Variants in CELF2 observed in about 807,000 individuals in gnomAD.
CELF2 encodes the protein CUG triplet repeat RNA-binding protein 2.
Under a neutral mutation model 62.6 loss-of-function variants are expected in CELF2, and 8 were observed. That is an observed-to-expected ratio of 0.13 (90% CI 0.07 to 0.23). CELF2 has a LOEUF of 0.23. Ranked by LOEUF, CELF2 falls within the 10% of genes least tolerant of loss-of-function variation. CELF2 has a pLI of 1.00. For synonymous variants in CELF2, 258 were observed against 250.0 expected, an observed-to-expected ratio of 1.03 and a Z score of -0.30; for missense variants, 333 against 671.0, an observed-to-expected ratio of 0.50 and a Z score of 5.56.
the CELF2 span, among the ~76,000 whole-genome samples, chr10:10,563,110 G>A: frequency 1.3e-5 from 2 of 152,106 alleles, no homozygotes; most frequent in East Asian, 3.9e-4. Context: ...AGGATCTCTG[G>A]AGGAGAGGGA....
chr10:10,801,837 T>G (rs962287979), intron 1 of CELF2, among the ~76,000 whole-genome samples: 1 of 152,138 alleles, frequency 6.6e-6, no homozygotes, highest in African/African-American at 2.4e-5. Context: ...ATATAGTGTT[T>G]TAGGAGATGA....
At chr10:10,871,064 T>C (rs144560912) in intron 1 of CELF2, among the ~76,000 whole-genome samples, 77 of 151,978 alleles carry the variant, frequency 5.1e-4, no homozygotes, top group Middle Eastern at 6.8e-3. Context: ...ACAGTCAAGA[T>C]GCAGATTTAA....
At position 10,972,637 on chromosome 10, in the gene CELF2, G is replaced by A. The variant is rs770788248; in HGVS notation, c.89+52638G>A. 6.6e-6 allele frequency among the ~76,000 whole-genome samples: 1 copy of A among 152,172 alleles called. No individual in the cohort carries two copies. The highest frequency in any genetic ancestry group is 1.9e-4 in the East Asian group (1 of 5,196). On this transcript the variant is annotated intron_variant, in intron 2 of 13. Coordinates refer to the CELF2 transcript ENST00000636488. The surrounding 1 kb of genome is among the most constrained non-coding windows in gnomAD (Gnocchi z 4.4). ...ATTCTCAGTCCCGGTCTCCATGACT[G>A]ACCTTGCTGTGTCCTTCAGGTGCAC...
At chr10:10,968,731 G>T (rs200590514) in intron 2 of CELF2, among the ~76,000 whole-genome samples, 1 of 145,234 alleles carries the variant, frequency 6.9e-6, no homozygotes, top group Non-Finnish European at 1.5e-5. Context: ...GTGGTGAAAA[G>T]AAAAAAAAAA....
chr10:11,213,543 AAAT>A (rs2062482250), intron 2 of CELF2, among the ~76,000 whole-genome samples: 2 of 152,232 alleles, frequency 1.3e-5, no homozygotes, highest in South Asian at 4.1e-4. Flanking sequence ...ATTTCAGGGA[AAAT>A]AATGATATTT....
the CELF2 span, among the ~76,000 whole-genome samples, chr10:10,651,059 G>A: frequency 6.6e-6 from 1 of 151,836 alleles, no homozygotes; most frequent in Non-Finnish European, 1.5e-5. Flanking sequence ...CCTCACTTGG[G>A]AAGCGCAAGG....
the CELF2 span, among the ~76,000 whole-genome samples, chr10:10,768,592 A>T: frequency 2.4e-3 from 344 of 142,322 alleles, 1 homozygote; most frequent in Admixed American, 3.3e-3. Flanking sequence ...TTTTTTTTTT[A>T]AGATGGAGTG....
At chr10:10,791,868 T>A in the CELF2 span, among the ~76,000 whole-genome samples, 1 of 152,220 alleles carries the variant, frequency 6.6e-6, no homozygotes, top group South Asian at 2.1e-4. Flanking sequence ...GGGGTTTGTA[T>A]TGTTTTTCTA....
chr10:10,763,296 T>G, the CELF2 span, among the ~76,000 whole-genome samples: 1 of 152,196 alleles, frequency 6.6e-6, no homozygotes, highest in Non-Finnish European at 1.5e-5. Flanking sequence ...CTTTTTCACC[T>G]CCCACTCACT....
chr10:10,571,812 A>C, the CELF2 span, among the ~76,000 whole-genome samples: 1 of 152,182 alleles, frequency 6.6e-6, no homozygotes, highest in Non-Finnish European at 1.5e-5. Flanking sequence ...TTAGAAGTGA[A>C]GTATAGGCAC....
chr10:10,647,922 A>G, the CELF2 span, among the ~76,000 whole-genome samples: 66,987 of 151,974 alleles, frequency 0.44, 15,170 homozygotes, highest in South Asian at 0.71. Context: ...GCTTAGGACC[A>G]ATCCATTGTT....
chr10:10,973,566 G>A (rs556960298), intron 2 of CELF2, among the ~76,000 whole-genome samples: 7 of 152,200 alleles, frequency 4.6e-5, no homozygotes, highest in Non-Finnish European at 1.0e-4. Flanking sequence ...TAGCCCTGAT[G>A]TAATACACAA....
chr10:11,231,988 G>A (rs942921347), intron 3 of CELF2, among the ~76,000 whole-genome samples: 12 of 151,508 alleles, frequency 7.9e-5, no homozygotes, highest in Admixed American at 3.9e-4. Context: ...AAGTACCACC[G>A]CCCCATCTTT....
chr10:10,797,121 T>G (rs940196022), upstream of CELF2, among the ~76,000 whole-genome samples: 1 of 152,172 alleles, frequency 6.6e-6, no homozygotes, highest in African/African-American at 2.4e-5. Context: ...AAAAACTTCC[T>G]GACAGTAAAA....
At chr10:10,886,377 T>G (rs976168953) in intron 1 of CELF2, among the ~76,000 whole-genome samples, 3 of 152,220 alleles carry the variant, frequency 2.0e-5, no homozygotes, top group African/African-American at 7.2e-5. Flanking sequence ...TTGAGCCTCA[T>G]TATTTTAGAA....
chr10:10,834,834 C>A (rs2058146183), intron 1 of CELF2, among the ~76,000 whole-genome samples: 1 of 152,176 alleles, frequency 6.6e-6, no homozygotes, highest in Non-Finnish European at 1.5e-5. Context: ...AGGCTCCCAG[C>A]AGGCAGCCTT....
rs142249699 is a variant in CELF2, at chr10:11,333,443, C to T, written c.*4390C>T. On this transcript the variant is annotated 3_prime_UTR_variant, in exon 13 of 13. Transcript: ENST00000633077. ...GTGATACAATGGCAGTCCTCAAAGG[C>T]GTAACGAGTTCATCTTTCTTTCACC... The T allele has an allele frequency of 3.9e-5, 6 of 152,336 alleles. No individual in the cohort carries two copies. The highest frequency in any genetic ancestry group is 8.8e-5 in the Non-Finnish European group (6 of 68,002). The allele number at this position is 152,336 out of a possible 1,614,324, so 9.4% of individuals were successfully genotyped here. A position where few individuals can be genotyped will look rare whatever the true frequency, so the allele number is the denominator to read the frequency against.
In CELF2 at chr10:11,217,156, T is replaced by G. The variant is rs1403256672; in HGVS notation, c.272-269T>G. Among the ~76,000 whole-genome samples, 1 of 152,190 alleles carries G rather than the reference T, an allele frequency of 6.6e-6. No homozygotes were observed. Among genetic ancestry groups the G allele is most frequent in the Non-Finnish European group, 1.5e-5 (1 of 68,026 alleles). On this transcript the variant is annotated intron_variant, in intron 2 of 12. Coordinates refer to ENST00000633077, the MANE Select transcript of CELF2 (RefSeq NM_001326342.2). This position sits in a 1 kb window ranked among gnomAD's most constrained non-coding sequence, Gnocchi z 5.6. ...ACATCTCACCCATTCCTCCACCACC[T>G]CCCACCCTCATTCTTGAATAGCTGT...
the CELF2 span, among the ~76,000 whole-genome samples, chr10:10,557,813 G>A: frequency 9.8e-5 from 14 of 142,318 alleles, no homozygotes; most frequent in South Asian, 4.7e-4. Flanking sequence ...ATGGGAGTTC[G>A]CTCATGATTT....
Sources: gnomAD v4.1 joint callset for allele counts (sites outside exome capture counted in the v4.1 genomes callset) on GRCh38, gnomAD v4.1.1 for gene constraint, Gnocchi (gnomAD v3.1) non-coding constraint, MANE v1.5 for transcripts, NCBI Gene and HGNC (gene_info 2026-07-23, HGNC 2026-07-21) for gene names.